PRSS48: variants seen among roughly 807,000 people sequenced by gnomAD.
PRSS48 encodes the protein serine protease 48.
PRSS48 carries 21 observed loss-of-function variants against 25.6 expected under a neutral mutation model. That is an observed-to-expected ratio of 0.82 (90% confidence interval 0.58 to 1.18). The LOEUF is 1.18. Among genes scored for constraint, PRSS48 ranks in the 50% most tolerant of loss-of-function variants. The pLI, the probability that PRSS48 is intolerant of heterozygous loss-of-function variation, is 0.00. For missense variants in PRSS48, 373 were observed against 399.3 expected (o/e 0.93, Z 0.56); for synonymous variants, 150 against 149.3 (o/e 1.00, Z -0.04).
exon 4 of PRSS48, chr4:151,283,265 A>G: frequency 6.2e-7 from 1 of 1,613,656 alleles, no homozygotes; most frequent in South Asian, 1.1e-5. Context: ...GTGATACTCA[A>G]AACATGAAGG....
chr4:151,291,573 A>G, downstream of PRSS48: 1 of 649,914 alleles, frequency 1.5e-6, no homozygotes, highest in Non-Finnish European at 2.6e-6. Context: ...AAGAAATAAA[A>G]CTGTCACTTC....
At chr4:151,283,444 T>C (rs1774441159) in intron 4 of PRSS48, among the ~76,000 whole-genome samples, 158 bp downstream of exon 4, 2 of 151,836 alleles carry the variant, frequency 1.3e-5, no homozygotes, top group Non-Finnish European at 2.9e-5. Flanking sequence ...CTTCTATCTG[T>C]GAAATCAGTT....
At chr4:151,279,731 T>C in intron 1 of PRSS48, 65 bp from the exon 2 acceptor site, 1 of 1,477,522 alleles carries the variant, frequency 6.8e-7, no homozygotes, top group East Asian at 2.3e-5. Flanking sequence ...GGAATGATGA[T>C]AAGGTGGGGA....
chr4:151,283,054 C>G, intron 3 of PRSS48, 63 bp from the exon 4 acceptor site: 1 of 1,507,478 alleles, frequency 6.6e-7, no homozygotes, highest in Non-Finnish European at 9.2e-7. Flanking sequence ...CACATCATGA[C>G]TGAATGCTGC....
chr4:151,283,133 T>C (rs1172560365), exon 4 of PRSS48: 1 of 1,613,820 alleles, frequency 6.2e-7, no homozygotes, highest in Non-Finnish European at 8.5e-7. Flanking sequence ...ATTACCATTC[T>C]GCCCTTCAGG....
chr4:151,278,489 T>G (rs770646075), intron 1 of PRSS48, among the ~76,000 whole-genome samples: 1 of 151,980 alleles, frequency 6.6e-6, no homozygotes, highest in Non-Finnish European at 1.5e-5. Context: ...AGGAAGTGAT[T>G]TGTGAAAAGT....
rs183440132 is a variant in PRSS48 at position 151,281,330 on chromosome 4, A to G, written c.216-818A>G. Among the ~76,000 whole-genome samples, 3 of 152,346 alleles carry G rather than the reference A, an allele frequency of 2.0e-5. No homozygotes were observed. In the East Asian group the frequency reaches 5.8e-4, roughly 29 times the overall value. ...TCCAGGAGAAGCAAAACGTTTTATA[A>G]GAAATGTAATCACCCAATAGGACCC... is the stretch of plus-strand genomic sequence containing the variant. On this transcript the variant is annotated intron_variant, in intron 2 of 4. Coordinates refer to ENST00000455694, the Ensembl canonical transcript of PRSS48.
At chr4:151,286,388 A>C (rs1774791276) in intron 4 of PRSS48, among the ~76,000 whole-genome samples, 1 of 151,282 alleles carries the variant, frequency 6.6e-6, no homozygotes, top group Non-Finnish European at 1.5e-5. Flanking sequence ...GAAATTACTA[A>C]AGTTAAAAAT....
At chr4:151,287,508 G>C (rs1246723639) in intron 4 of PRSS48, among the ~76,000 whole-genome samples, 1 of 152,016 alleles carries the variant, frequency 6.6e-6, no homozygotes, top group Non-Finnish European at 1.5e-5. Flanking sequence ...ATATAAAAAG[G>C]ACTATATATA....
intron 4 of PRSS48, 62 bp from the exon 5 acceptor site, chr4:151,291,056 A>G: frequency 7.6e-7 from 1 of 1,314,708 alleles, no homozygotes; most frequent in Non-Finnish European, 1.1e-6. Context: ...TCCACCCCTT[A>G]TTACTACTCT....
At chr4:151,279,157 C>G (rs1773930645) in intron 1 of PRSS48, 3 of 418,022 alleles carry the variant, frequency 7.2e-6, no homozygotes, top group Admixed American at 2.8e-5. Flanking sequence ...TCTTGGCCAT[C>G]TACAACACGT....
intron 4 of PRSS48, among the ~76,000 whole-genome samples, chr4:151,288,331 A>G (rs1775017236): frequency 6.6e-6 from 1 of 152,212 alleles, no homozygotes; most frequent in African/African-American, 2.4e-5. Flanking sequence ...AAACAGTAAA[A>G]CTATCTCTAG....
At chr4:151,287,097 T>C in intron 4 of PRSS48, among the ~76,000 whole-genome samples, 1 of 151,602 alleles carries the variant, frequency 6.6e-6, no homozygotes, top group East Asian at 1.9e-4. Context: ...TCCCAGCACT[T>C]TGGGAGGCCG....
rs986965503 is a variant in PRSS48 at position 151,282,476 on chromosome 4, T to C, written c.481+63T>C. ...ATCCTCTTGTACTCCAGAACATTCA[T>C]ATTCTAGGCATATCCTTACCATGGA... On this transcript the variant is annotated intron_variant, in intron 3 of 4. Coordinates refer to ENST00000455694, the Ensembl canonical transcript of PRSS48. 5 of 1,549,394 alleles carry C rather than the reference T, an allele frequency of 3.2e-6. No individual in the cohort carries two copies. In the Admixed American group the frequency reaches 5.2e-5, roughly 16 times the overall value.
chr4:151,291,592 C>A (rs576265568), downstream of PRSS48: 1 of 620,676 alleles, frequency 1.6e-6, no homozygotes, highest in African/African-American at 1.8e-5. Flanking sequence ...TCTGTACATT[C>A]TTTGTCCTTG....
At chr4:151,282,189 T>C (rs1774303884) in exon 3 of PRSS48, 6 of 1,613,890 alleles carry the variant, frequency 3.7e-6, no homozygotes, top group Non-Finnish European at 5.1e-6. Context: ...CTAGGATCGA[T>C]TACAGTAGGT....
intron 2 of PRSS48, among the ~76,000 whole-genome samples, chr4:151,280,325 C>T (rs1273696075): frequency 1.3e-5 from 2 of 152,076 alleles, no homozygotes; most frequent in Non-Finnish European, 2.9e-5. Flanking sequence ...ATGTGGAACC[C>T]GCATCTCTAG....
At chr4:151,283,027 CCATT>C in intron 3 of PRSS48, 86 bp from the exon 4 acceptor site, 2 of 1,174,928 alleles carry the variant, frequency 1.7e-6, no homozygotes, top group Non-Finnish European at 1.2e-6. Context: ...TTTTGGATTC[CCATT>C]CAGAGACTTC....
At chr4:151,282,474 C>A in intron 3 of PRSS48, 61 bp downstream of exon 3, 1 of 1,551,396 alleles carries the variant, frequency 6.4e-7, no homozygotes, top group Non-Finnish European at 8.8e-7. Flanking sequence ...CCAGAACATT[C>A]ATATTCTAGG....
Sources: allele counts gnomAD v4.1 joint callset (sites outside exome capture counted in the v4.1 genomes callset), GRCh38; gene constraint gnomAD v4.1.1; transcripts MANE v1.5; gene names NCBI Gene and HGNC (gene_info 2026-07-23, HGNC 2026-07-21).